The following MAST4 variants were observed in gnomAD, a reference collection of about 807,000 sequenced individuals.
MAST4 encodes microtubule associated serine/threonine kinase family member 4.
In MAST4, 89 loss-of-function variants were observed where a neutral mutation model predicts 162.7. That is an observed-to-expected ratio of 0.55 (90% CI 0.46 to 0.65). MAST4 has a LOEUF of 0.65. Ranked by LOEUF, MAST4 falls within the 30% of genes least tolerant of loss-of-function variation. The probability of loss-of-function intolerance (pLI) is 0.00; values close to 1 mark genes in which losing one functional copy is unlikely to be tolerated. For synonymous variants in MAST4, 1,479 were observed against 1,361.1 expected, an observed-to-expected ratio of 1.09 and a Z score of -1.91; for missense variants, 3,153 against 3,374.0, an observed-to-expected ratio of 0.93 and a Z score of 1.62.
intron 4 of MAST4, among the ~76,000 whole-genome samples, chr5:66,981,769 C>G (rs548909865): frequency 7.2e-5 from 11 of 152,264 alleles, no homozygotes; most frequent in African/African-American, 2.6e-4. Context: ...CTCTGACCCA[C>G]TTTGATTCTG....
At chr5:66,914,913 C>G (rs1764007757) in intron 4 of MAST4, among the ~76,000 whole-genome samples, 2 of 151,968 alleles carry the variant, frequency 1.3e-5, no homozygotes, top group Non-Finnish European at 2.9e-5. Context: ...ATTATCTGCC[C>G]AAAATATCAG....
intron 4 of MAST4, among the ~76,000 whole-genome samples, chr5:67,028,743 C>T (rs2150420074): frequency 6.6e-6 from 1 of 152,210 alleles, no homozygotes; most frequent in African/African-American, 2.4e-5. Flanking sequence ...GTTTGGGATT[C>T]ATTGGACTGG....
intron 5 of MAST4, among the ~76,000 whole-genome samples, chr5:67,086,978 T>A (rs954327996): frequency 4.6e-5 from 7 of 152,354 alleles, no homozygotes; most frequent in African/African-American, 1.7e-4. Context: ...CTTCAGAGAC[T>A]GAGTAGGAGT....
intron 3 of MAST4, among the ~76,000 whole-genome samples, chr5:66,851,803 ATT>A (rs1759333831): frequency 6.6e-6 from 1 of 152,142 alleles, no homozygotes; most frequent in African/African-American, 2.4e-5. Context: ...TTTTGGGAAC[ATT>A]TTTGTCTATA....
At chr5:66,643,238 CA>C (rs1745603224) in intron 1 of MAST4, among the ~76,000 whole-genome samples, 2 of 152,108 alleles carry the variant, frequency 1.3e-5, no homozygotes, top group South Asian at 4.2e-4. Context: ...CATATTTTCT[CA>C]GAAGAAGGGA....
intron 4 of MAST4, among the ~76,000 whole-genome samples, chr5:67,044,902 A>C (rs980712136): frequency 2.0e-5 from 3 of 152,124 alleles, no homozygotes; most frequent in African/African-American, 7.2e-5. Context: ...ATTCAGAATG[A>C]TATGTATGTT....
chr5:66,906,303 A>C (rs1459560810), intron 4 of MAST4, among the ~76,000 whole-genome samples: 1 of 152,192 alleles, frequency 6.6e-6, no homozygotes, highest in Non-Finnish European at 1.5e-5. Flanking sequence ...TTTACTTTGG[A>C]ATGCCATTGG....
chr5:67,094,245 C>CA (rs1307261378), intron 6 of MAST4: 5 of 946,756 alleles, frequency 5.3e-6, no homozygotes, highest in Non-Finnish European at 7.7e-6. Flanking sequence ...CTTTGTGGAC[C>CA]ATTTGCATTT....
chr5:66,724,405 T>C (rs998211298), intron 1 of MAST4, among the ~76,000 whole-genome samples: 4 of 152,192 alleles, frequency 2.6e-5, no homozygotes, highest in Non-Finnish European at 5.9e-5. Flanking sequence ...TTCTGGCCAC[T>C]TGTGATGAGT....
At chr5:67,100,317 A>T (rs1228401535) in intron 7 of MAST4, 118 bp from the exon 8 acceptor site, 1 of 974,306 alleles carries the variant, frequency 1.0e-6, no homozygotes, top group African/African-American at 1.6e-5. Context: ...TAACTTTAAC[A>T]TGAAAAAGAA....
At chr5:66,803,608 A>C (rs1444629166) in intron 3 of MAST4, among the ~76,000 whole-genome samples, 2 of 152,210 alleles carry the variant, frequency 1.3e-5, no homozygotes, top group Non-Finnish European at 2.9e-5. Flanking sequence ...TATTTTTAAT[A>C]ACCTTAATAT....
intron 2 of MAST4, among the ~76,000 whole-genome samples, chr5:66,772,370 T>C (rs927528809): frequency 1.3e-4 from 20 of 152,324 alleles, no homozygotes; most frequent in African/African-American, 4.3e-4. Context: ...TACCCTCTTA[T>C]AGGAAACATG....
chr5:67,136,873 T>A (rs1035863120), intron 19 of MAST4, among the ~76,000 whole-genome samples: 1 of 152,204 alleles, frequency 6.6e-6, no homozygotes, highest in Non-Finnish European at 1.5e-5. Flanking sequence ...TGGTTGTTTG[T>A]CTTTGTTTTT....
At chr5:66,734,503 TAGA>T (rs1463615292) in intron 1 of MAST4, among the ~76,000 whole-genome samples, 1 of 152,222 alleles carries the variant, frequency 6.6e-6, no homozygotes, top group Non-Finnish European at 1.5e-5. Context: ...CCTTTATAAA[TAGA>T]AGAACTTAGC....
intron 5 of MAST4, among the ~76,000 whole-genome samples, chr5:67,087,154 C>G (rs1036071348): frequency 2.0e-5 from 3 of 152,144 alleles, no homozygotes; most frequent in African/African-American, 7.2e-5. Context: ...ACCACCACGA[C>G]TCCATTTCTC....
chr5:67,069,750 A>G (rs74489384), intron 5 of MAST4, among the ~76,000 whole-genome samples: 2,179 of 152,250 alleles, frequency 0.014, 31 homozygotes, highest in African/African-American at 0.037. Flanking sequence ...AGTTATATCT[A>G]TCCGCTGGAA....
At chr5:66,819,265 A>C (rs1756876917) in intron 3 of MAST4, among the ~76,000 whole-genome samples, 3 of 152,156 alleles carry the variant, frequency 2.0e-5, no homozygotes, top group Admixed American at 2.0e-4. Context: ...ACCTGAAAGA[A>C]ACTTAGCTAT....
At chr5:67,126,095 G>GT (rs201246431) in intron 14 of MAST4, among the ~76,000 whole-genome samples, 8,151 of 151,970 alleles carry the variant, frequency 0.054, 277 homozygotes, top group East Asian at 0.1. Flanking sequence ...GGAGTTGTTT[G>GT]TTTTTTTCTT....
chr5:66,663,140 T>C (rs755874191), intron 1 of MAST4, among the ~76,000 whole-genome samples: 12 of 152,182 alleles, frequency 7.9e-5, no homozygotes, highest in Admixed American at 2.0e-4. Context: ...CTTTGGTAAT[T>C]GTGGGCTTTG....
Sources: allele counts gnomAD v4.1 joint callset (sites outside exome capture counted in the v4.1 genomes callset), GRCh38; gene constraint gnomAD v4.1.1; transcripts MANE v1.5; gene names NCBI Gene and HGNC (gene_info 2026-07-23, HGNC 2026-07-21).